Variants in FSTL5 observed in about 807,000 individuals in gnomAD.
FSTL5 encodes the protein follistatin-related protein 5.
A neutral mutation model predicts 89.1 loss-of-function variants in FSTL5; 62 were observed. The observed-to-expected ratio is 0.70, with a 90% CI of 0.57 to 0.86. The LOEUF is 0.86. Among genes scored for constraint, FSTL5 ranks in the 40% least tolerant of loss-of-function variants. The pLI is 0.00. For synonymous variants in FSTL5, 383 were observed against 346.2 expected (o/e 1.11, Z -1.18); for missense variants, 1,057 against 1,001.6 (o/e 1.06, Z -0.75).
chr4:161,493,223 A>G (rs949338678), intron 12 of FSTL5, among the ~76,000 whole-genome samples: 3 of 151,720 alleles, frequency 2.0e-5, no homozygotes, highest in African/African-American at 7.2e-5. Flanking sequence ...AAATAATTAT[A>G]TATATTTCAA....
intron 3 of FSTL5, among the ~76,000 whole-genome samples, chr4:161,986,802 T>C (rs761157903): frequency 2.2e-4 from 34 of 152,124 alleles, no homozygotes; most frequent in Admixed American, 9.8e-4. Flanking sequence ...ATGTTTGACG[T>C]TGATGGCTCT....
intron 13 of FSTL5, among the ~76,000 whole-genome samples, chr4:161,468,451 G>A (rs1733822654): frequency 6.6e-6 from 1 of 151,994 alleles, no homozygotes; most frequent in Non-Finnish European, 1.5e-5. Context: ...CTGAATTATA[G>A]CAGCAGGTCT....
chr4:162,077,600 G>A (rs1215134997), intron 2 of FSTL5, among the ~76,000 whole-genome samples: 2 of 151,728 alleles, frequency 1.3e-5, no homozygotes, highest in Non-Finnish European at 2.9e-5. Flanking sequence ...ATACTTGTAA[G>A]ATTTTGATAA....
At chr4:161,985,332 T>A (rs1008393875) in intron 3 of FSTL5, among the ~76,000 whole-genome samples, 5 of 152,168 alleles carry the variant, frequency 3.3e-5, no homozygotes, top group Non-Finnish European at 5.9e-5. Context: ...TTAAAATATG[T>A]TAGTTATATC....
At chr4:161,906,579 T>C (rs529437108) in intron 4 of FSTL5, among the ~76,000 whole-genome samples, 6 of 152,266 alleles carry the variant, frequency 3.9e-5, no homozygotes, top group Non-Finnish European at 7.4e-5. Context: ...TTACTGCTTT[T>C]AAGTCTCAAA....
chr4:161,510,509 A>G (rs532068920), intron 10 of FSTL5, 85 bp from the exon 11 acceptor site: 15 of 740,684 alleles, frequency 2.0e-5, no homozygotes, highest in Non-Finnish European at 3.0e-5. Flanking sequence ...ATTATTAAAG[A>G]TGTCAAATAT....
chr4:161,466,438 G>C (rs893851862), intron 13 of FSTL5, among the ~76,000 whole-genome samples: 1 of 152,122 alleles, frequency 6.6e-6, no homozygotes, highest in African/African-American at 2.4e-5. Context: ...AGCACAGCTT[G>C]TTTATCAGTC....
At position 161,576,268 on chromosome 4, in the gene FSTL5, C is replaced by T. The variant is rs138884354; in HGVS notation, c.1015+11187G>A. Among the ~76,000 whole-genome samples the T allele has an allele frequency of 6.1e-3, 928 of 152,186 alleles. 3 individuals are homozygous for T. Among genetic ancestry groups the T allele is most frequent in the Non-Finnish European group, 1.0e-2 (678 of 68,010 alleles). ...CCCAAAGTAATTGATAGATTCAATG[C>T]TATTCTCATCAAGTTACCATTGACT... is the stretch of plus-strand genomic sequence containing the variant. On this transcript the variant is annotated intron_variant, in intron 8 of 15. Coordinates refer to ENST00000306100, the MANE Select transcript of FSTL5 (RefSeq NM_020116.5).
At chr4:161,977,612 C>CAAAAAAAAAAAAAA (rs796909244) in intron 3 of FSTL5, among the ~76,000 whole-genome samples, 6 of 95,136 alleles carry the variant, frequency 6.3e-5, no homozygotes, top group Admixed American at 1.2e-4. Flanking sequence ...GACTCCGTGT[C>CAAAAAAAAAAAAAA]AAAAAAAAAA....
chr4:162,121,658 T>A (rs1031618128), intron 1 of FSTL5, among the ~76,000 whole-genome samples: 1 of 152,058 alleles, frequency 6.6e-6, no homozygotes, highest in Non-Finnish European at 1.5e-5. Flanking sequence ...CTCAGTATGT[T>A]GTACTTAGCT....
intron 7 of FSTL5, among the ~76,000 whole-genome samples, chr4:161,593,248 A>C (rs1169402026): frequency 6.6e-6 from 1 of 152,084 alleles, no homozygotes; most frequent in Non-Finnish European, 1.5e-5. Flanking sequence ...GATTTTTTTA[A>C]AAATATTTAT....
intron 11 of FSTL5, among the ~76,000 whole-genome samples, chr4:161,506,698 C>A (rs1343977564): frequency 5.9e-5 from 9 of 152,048 alleles, no homozygotes; most frequent in Non-Finnish European, 1.0e-4. Flanking sequence ...TAATTTTAGG[C>A]TGAAGAAGCT....
chr4:161,544,627 T>G (rs1002409826), intron 8 of FSTL5, among the ~76,000 whole-genome samples: 1 of 151,950 alleles, frequency 6.6e-6, no homozygotes, highest in Non-Finnish European at 1.5e-5. Flanking sequence ...TTAAATGGCA[T>G]GTGGATTTTA....
intron 7 of FSTL5, among the ~76,000 whole-genome samples, chr4:161,618,633 T>C (rs946272664): frequency 1.3e-5 from 2 of 152,174 alleles, no homozygotes; most frequent in African/African-American, 4.8e-5. Flanking sequence ...CATTTATTGA[T>C]TTGCATATAT....
At chr4:161,620,558 A>G (rs1735085316) in intron 7 of FSTL5, among the ~76,000 whole-genome samples, 1 of 152,152 alleles carries the variant, frequency 6.6e-6, no homozygotes, top group Non-Finnish European at 1.5e-5. Flanking sequence ...CGGGAAGCTG[A>G]GGTAGGAGAA....
intron 5 of FSTL5, among the ~76,000 whole-genome samples, chr4:161,765,716 C>G (rs2126794728): frequency 6.6e-6 from 1 of 151,994 alleles, no homozygotes; most frequent in Middle Eastern, 3.4e-3. Flanking sequence ...TAATCTAAAT[C>G]CTGTGAATAA....
At chr4:161,649,593 A>G (rs576416014) in intron 7 of FSTL5, among the ~76,000 whole-genome samples, 64 of 152,342 alleles carry the variant, frequency 4.2e-4, no homozygotes, top group Middle Eastern at 3.4e-3. Flanking sequence ...CAGAAAAACA[A>G]AAATAAATAG....
chr4:161,912,045 C>G (rs1473313860), intron 4 of FSTL5, among the ~76,000 whole-genome samples: 3 of 152,048 alleles, frequency 2.0e-5, no homozygotes, highest in Admixed American at 6.5e-5. Context: ...ATAAATCAGA[C>G]TAATAGAGAA....
chr4:161,999,681 G>A (rs1428288996), intron 3 of FSTL5, among the ~76,000 whole-genome samples: 1 of 152,124 alleles, frequency 6.6e-6, no homozygotes, highest in Non-Finnish European at 1.5e-5. Flanking sequence ...TTGTCACCAT[G>A]ATAGCCAATA....
Sources: allele counts gnomAD v4.1 joint callset (sites outside exome capture counted in the v4.1 genomes callset), GRCh38; gene constraint gnomAD v4.1.1; transcripts MANE v1.5; gene names NCBI Gene and HGNC (gene_info 2026-07-23, HGNC 2026-07-21).